The following ZNF407 variants were observed in gnomAD, a reference collection of about 807,000 sequenced individuals.
ZNF407 encodes the protein zinc finger protein 407.
Under a neutral mutation model 131.2 loss-of-function variants are expected in ZNF407, and 17 were observed. The ratio of observed to expected loss-of-function variants is 0.13; its 90% CI spans 0.09 to 0.19. The LOEUF (loss-of-function observed/expected upper bound fraction) is 0.19. ZNF407 is among the 10% of genes least tolerant of loss of function. The probability of loss-of-function intolerance (pLI) is 1.00; values close to 1 mark genes in which losing one functional copy is unlikely to be tolerated. For missense variants in ZNF407, 2,681 were observed against 2,830.6 expected (o/e 0.95, Z 1.20); for synonymous variants, 1,156 against 1,062.0 (o/e 1.09, Z -1.72).
intron 3 of ZNF407, among the ~76,000 whole-genome samples, chr18:74,655,374 TAAA>T (rs914167593): frequency 1.3e-5 from 2 of 152,014 alleles, no homozygotes; most frequent in African/African-American, 4.8e-5. Context: ...TTAATCAAGT[TAAA>T]ATAATATGGA....
At chr18:74,673,581 T>C (rs499930) in intron 3 of ZNF407, among the ~76,000 whole-genome samples, 150,736 of 152,332 alleles carry the variant, frequency 0.99, 74,601 homozygotes, top group Middle Eastern at 1. Context: ...AGACTGTGGA[T>C]ACTGTGATGT....
At chr18:74,903,028 C>T (rs1971550174) in intron 7 of ZNF407, among the ~76,000 whole-genome samples, 1 of 152,186 alleles carries the variant, frequency 6.6e-6, no homozygotes, top group Non-Finnish European at 1.5e-5. Flanking sequence ...GCCCTTGCCC[C>T]ACCTCTAATA....
Position 75,063,472 on chromosome 18 carries a change from C to G in ZNF407, c.5751C>G (p.Ser1917Arg). The stretch of plus-strand genomic sequence containing the variant: ...GCCAGGTCATCGCCACGAGTCAGAG[C>G]GGGGCACATGTAGGCAGCGTGGTGC... ...EDGQVIATSQSGAHVGSVVPG... is the reference protein window; with the variant it reads ...EDGQVIATSQRGAHVGSVVPG... The change falls in exon 9 of 9, where the codon AGC becomes AGG. Residue 1917 changes from serine to arginine, a missense_variant. This residue lies in a region of ZNF407 where 620 missense variants were observed against 583.1 expected (regional missense o/e 1.06). Coordinates refer to ENST00000299687, the MANE Select transcript of ZNF407 (RefSeq NM_017757.3). The surrounding 1 kb of genome is among the most constrained non-coding windows in gnomAD (Gnocchi z 6.6). The G allele has an allele frequency of 1.2e-6, 2 of 1,603,802 alleles. No homozygotes were observed. The highest frequency in any genetic ancestry group is 1.7e-6 in the Non-Finnish European group (2 of 1,176,588).
intron 3 of ZNF407, among the ~76,000 whole-genome samples, chr18:74,779,105 A>AT (rs1969539621): frequency 4.0e-5 from 1 of 24,866 alleles, no homozygotes; most frequent in African/African-American, 1.1e-4. Context: ...ATATATATAT[A>AT]TATATTTTTT....
At chr18:74,669,892 A>G (rs1308762944) in intron 3 of ZNF407, among the ~76,000 whole-genome samples, 2 of 152,218 alleles carry the variant, frequency 1.3e-5, no homozygotes, top group Non-Finnish European at 2.9e-5. Flanking sequence ...TGAGGCTCAA[A>G]CACAGTTTTT....
At chr18:74,915,685 C>A (rs1392797022) in intron 7 of ZNF407, among the ~76,000 whole-genome samples, 1 of 30,330 alleles carries the variant, frequency 3.3e-5, no homozygotes, top group Non-Finnish European at 6.2e-5. Flanking sequence ...AGCATTGGTT[C>A]GAATCGGGAG....
chr18:74,882,924 G>A (rs181142166), intron 6 of ZNF407, among the ~76,000 whole-genome samples: 5 of 152,312 alleles, frequency 3.3e-5, no homozygotes, highest in Non-Finnish European at 5.9e-5. Context: ...TGCCATTGAA[G>A]TTCACCTTGT....
chr18:74,860,335 T>G (rs2145158297), intron 4 of ZNF407, among the ~76,000 whole-genome samples: 1 of 151,896 alleles, frequency 6.6e-6, no homozygotes, highest in African/African-American at 2.4e-5. Flanking sequence ...AGAAGAAAAT[T>G]CATAGGTCTC....
intron 4 of ZNF407, among the ~76,000 whole-genome samples, chr18:74,841,375 C>G (rs1970631314): frequency 6.6e-6 from 1 of 152,158 alleles, no homozygotes; most frequent in South Asian, 2.1e-4. Flanking sequence ...CACGGCTGAT[C>G]ATTACCCTTC....
intron 3 of ZNF407, among the ~76,000 whole-genome samples, chr18:74,657,611 G>T (rs554814698): frequency 6.6e-6 from 1 of 152,318 alleles, no homozygotes; most frequent in East Asian, 1.9e-4. Flanking sequence ...CAACTATACA[G>T]ATGAGAGCTG....
intron 8 of ZNF407, among the ~76,000 whole-genome samples, chr18:74,948,114 T>C (rs113123146): frequency 9.8e-5 from 15 of 152,346 alleles, no homozygotes; most frequent in African/African-American, 3.4e-4. Context: ...CTTTGTCTCT[T>C]ATAGAGGCTA....
intron 8 of ZNF407, among the ~76,000 whole-genome samples, chr18:75,051,683 C>T (rs1020807584): frequency 2.0e-5 from 3 of 152,106 alleles, no homozygotes; most frequent in African/African-American, 7.2e-5. Context: ...GATATCCTAC[C>T]CTTTAAAAAC....
intron 8 of ZNF407, among the ~76,000 whole-genome samples, chr18:75,007,952 G>A (rs1258077393): frequency 6.6e-6 from 1 of 152,146 alleles, no homozygotes; most frequent in Non-Finnish European, 1.5e-5. Context: ...TTCTAGACAG[G>A]GAAAGGTAAA....
In ZNF407 at chr18:74,826,591, T is replaced by A. The variant is rs112747360; in HGVS notation, c.4877+45089T>A. Among the ~76,000 whole-genome samples, 845 of 152,302 alleles carry A rather than the reference T, an allele frequency of 5.5e-3. 5 individuals carry two copies. Among genetic ancestry groups the A allele is most frequent in the African/African-American group, 0.019 (776 of 41,542 alleles). ...AGGTAGGGAGAGGGATTCAGGAGAC[T>A]TGTTTGTCAGTAATTTTAATATTTT... On this transcript the variant is annotated intron_variant, in intron 4 of 8. Coordinates refer to ENST00000299687, the MANE Select transcript of ZNF407 (RefSeq NM_017757.3).
At chr18:75,057,642 T>G in intron 8 of ZNF407, among the ~76,000 whole-genome samples, 1 of 152,212 alleles carries the variant, frequency 6.6e-6, no homozygotes, top group East Asian at 1.9e-4. Context: ...AGCCTACTAT[T>G]GGATAAATAC....
intron 3 of ZNF407, among the ~76,000 whole-genome samples, chr18:74,742,782 G>C (rs931341676): frequency 6.6e-6 from 1 of 152,062 alleles, no homozygotes; most frequent in Admixed American, 6.6e-5. Flanking sequence ...CAGGCCTCTT[G>C]TCTGCTTAGT....
intron 3 of ZNF407, among the ~76,000 whole-genome samples, chr18:74,724,848 T>A (rs1479118927): frequency 6.6e-6 from 1 of 152,238 alleles, no homozygotes; most frequent in Non-Finnish European, 1.5e-5. Flanking sequence ...CAGGATAGAT[T>A]CCTAGAAGTA....
chr18:74,812,245 T>A (rs974672805), intron 4 of ZNF407, among the ~76,000 whole-genome samples: 2 of 152,088 alleles, frequency 1.3e-5, no homozygotes, highest in African/African-American at 4.8e-5. Context: ...TTTTTGTGTG[T>A]GAAAGGAAAT....
chr18:75,026,211 A>T (rs1005093793), intron 8 of ZNF407, among the ~76,000 whole-genome samples: 1 of 152,246 alleles, frequency 6.6e-6, no homozygotes, highest in Non-Finnish European at 1.5e-5. Context: ...AAATCTCTTT[A>T]ATCTTGCTAA....
Sources: allele counts gnomAD v4.1 joint callset (sites outside exome capture counted in the v4.1 genomes callset), GRCh38; gene constraint gnomAD v4.1.1; regional missense constraint gnomAD v4.1.1; non-coding constraint Gnocchi (gnomAD v3.1); transcripts MANE v1.5; gene names NCBI Gene and HGNC (gene_info 2026-07-23, HGNC 2026-07-21).